Variants in ITGAX observed in about 807,000 individuals in gnomAD.
The protein encoded by ITGAX is integrin subunit alpha X, also known as integrin alpha-X.
In ITGAX, 99 loss-of-function variants were observed where a neutral mutation model predicts 140.2. The observed-to-expected ratio is 0.71, with a 90% CI of 0.60 to 0.83. The LOEUF is 0.83. ITGAX is among the 40% of genes least tolerant of loss of function. The probability of loss-of-function intolerance (pLI) is 0.00; values close to 1 mark genes in which losing one functional copy is unlikely to be tolerated. For missense variants in ITGAX, 1,444 were observed against 1,482.0 expected (o/e 0.97, Z 0.42); for synonymous variants, 631 against 600.4 (o/e 1.05, Z -0.75).
At chr16:31,362,504 G>T (rs1351402428) in intron 11 of ITGAX, 107 bp from the exon 12 acceptor site, 2 of 1,391,534 alleles carry the variant, frequency 1.4e-6, no homozygotes, top group Non-Finnish European at 9.6e-7. Flanking sequence ...CCAGGGTGGG[G>T]TCCAGGGTTC....
At chr16:31,376,511 A>C (rs2081020436) in intron 20 of ITGAX, among the ~76,000 whole-genome samples, 2 of 152,142 alleles carry the variant, frequency 1.3e-5, no homozygotes, top group South Asian at 4.1e-4. Context: ...CTGTAGTCCT[A>C]GCTACTCAGG....
Position 31,363,389 on chromosome 16 carries a change from C to A in ITGAX, c.1710+15C>A. 1 of 1,613,482 alleles carries A rather than the reference C, an allele frequency of 6.2e-7. No homozygotes were observed. The highest frequency in any genetic ancestry group is 8.5e-7 in the Non-Finnish European group (1 of 1,179,506). On this transcript the variant is annotated intron_variant, in intron 14 of 29. Transcript: ENST00000268296. ...CCCACAGCCAGGTGAGGCCGTGTCC[C>A]ATTTCTGTCACTAGAGCAGCCTGCT...
At chr16:31,373,645 C>A (rs1166437413) in intron 20 of ITGAX, among the ~76,000 whole-genome samples, 6 of 152,220 alleles carry the variant, frequency 3.9e-5, no homozygotes, top group Non-Finnish European at 1.5e-5. Flanking sequence ...CAGTATTCCT[C>A]TTTTAAATGA....
At chr16:31,359,646 G>T in intron 5 of ITGAX, 54 bp from the exon 6 acceptor site, 3 of 1,591,158 alleles carry the variant, frequency 1.9e-6, no homozygotes, top group Non-Finnish European at 2.6e-6. Flanking sequence ...AGGAGGCCAC[G>T]GTCCTGGACT....
chr16:31,373,517 G>A, intron 20 of ITGAX, 127 bp downstream of exon 20: 1 of 948,010 alleles, frequency 1.1e-6, no homozygotes, highest in Non-Finnish European at 1.5e-6. Context: ...TCGTGTGGGT[G>A]TTCAACTTTG....
intron 8 of ITGAX, 92 bp downstream of exon 8, chr16:31,360,555 T>C: frequency 1.6e-6 from 2 of 1,214,664 alleles, no homozygotes; most frequent in Non-Finnish European, 2.3e-6. Context: ...TGAGACAGGG[T>C]CTTGCTCTAT....
Position 31,381,813 on chromosome 16 carries a change from T to G in ITGAX, c.3398T>G (p.Phe1133Cys), listed in dbSNP as rs1295208555. 4 of 872,860 alleles carry G rather than the reference T, an allele frequency of 4.6e-6. No individual in the cohort carries two copies. In the Admixed American group the frequency reaches 6.8e-5, roughly 15 times the overall value. The allele number at this position is 872,860 out of a possible 1,614,324, so 54.1% of individuals were successfully genotyped here. A position where few individuals can be genotyped will look rare whatever the true frequency, so the allele number is the denominator to read the frequency against. Residue 1133 changes from phenylalanine to cysteine, a missense_variant, in exon 30 of 30, where the codon TTC (phenylalanine) becomes TGC (cysteine). Transcript: ENST00000268296. ...CGTCCTCCCCCCTAGGTTGGCTTCT[T>G]CAAGCGTCAGTACAAGGAAATGATG... ...ITAVLYKVGF[F>C]KRQYKEMMEE... is the part of the protein sequence containing the mutation.
chr16:31,368,720 A>G (rs2080918942), intron 14 of ITGAX, among the ~76,000 whole-genome samples: 1 of 151,904 alleles, frequency 6.6e-6, no homozygotes, highest in African/African-American at 2.4e-5. Context: ...AAGTGAACAA[A>G]GGTCTCTGGT....
intron 14 of ITGAX, 120 bp from the exon 15 acceptor site, chr16:31,370,964 G>C: frequency 7.8e-7 from 1 of 1,285,842 alleles, no homozygotes; most frequent in South Asian, 1.3e-5. Context: ...GGTGACATCT[G>C]TTCACAACTC....
intron 14 of ITGAX, among the ~76,000 whole-genome samples, chr16:31,367,139 G>A (rs1166563917): frequency 6.6e-6 from 1 of 152,216 alleles, no homozygotes; most frequent in Non-Finnish European, 1.5e-5. Context: ...GAGACGTGAG[G>A]AAGCTTCAGA....
intron 7 of ITGAX, 117 bp from the exon 8 acceptor site, chr16:31,360,193 G>A (rs1158895295): frequency 2.0e-6 from 3 of 1,509,700 alleles, no homozygotes; most frequent in South Asian, 1.3e-5. Flanking sequence ...CCAAGCTGGG[G>A]CCTCTGGGTG....
chr16:31,364,426 CAAAAAAAAAAAA>C (rs56776715), intron 14 of ITGAX, among the ~76,000 whole-genome samples: 1 of 42,456 alleles, frequency 2.4e-5, no homozygotes, highest in Admixed American at 2.6e-4. Flanking sequence ...AATCCCGTGT[CAAAAAAAAAAAA>C]AAAAAAAAAA....
chr16:31,381,111 T>C, intron 29 of ITGAX, 104 bp downstream of exon 29: 2 of 837,490 alleles, frequency 2.4e-6, no homozygotes, highest in Non-Finnish European at 3.9e-6. Flanking sequence ...TCTTACTGGG[T>C]CACTTCATAT....
intron 1 of ITGAX, 30 bp downstream of exon 1, chr16:31,355,321 G>C: frequency 6.2e-7 from 1 of 1,612,926 alleles, no homozygotes; most frequent in Non-Finnish European, 8.5e-7. Flanking sequence ...AAGTAGGGCT[G>C]GGGACCCAGG....
Position 31,360,066 on chromosome 16 carries a change from G to A in ITGAX, c.707+1G>A, listed in dbSNP as rs767775627. 6.2e-6 allele frequency: 10 copies of A among 1,609,306 alleles called. No homozygotes were observed. Among genetic ancestry groups the A allele is most frequent in the Non-Finnish European group, 8.5e-6 (10 of 1,179,994 alleles). On this transcript the variant is annotated splice_donor_variant, in intron 7 of 29. Transcript: ENST00000268296. LOFTEE classifies it high-confidence loss of function. ...CGGCCACCGCCATCCAAAATGTCGT[G>A]TGAGTCCTGATTTCTTCCAGGCACA...
At chr16:31,361,705 G>T in intron 9 of ITGAX, 131 bp from the exon 10 acceptor site, 1 of 1,024,820 alleles carries the variant, frequency 9.8e-7, no homozygotes, top group Non-Finnish European at 1.5e-6. Flanking sequence ...GGAGGGCAGA[G>T]CCTGGTCCCT....
At position 31,372,628 on chromosome 16, in the gene ITGAX, A is replaced by G. The variant is rs561228143; in HGVS notation, c.2324A>G (p.His775Arg). Residue 775 changes from histidine (H) to arginine (R), a missense_variant, in exon 19 of 30, where the codon CAT (histidine) becomes CGT (arginine). Coordinates refer to ENST00000268296, the MANE Select transcript of ITGAX (RefSeq NM_000887.5). The part of the protein sequence containing the change: ...LPFEKNCGAD[H>R]ICQDNLGISF... ...TTTGAGAAGAACTGTGGAGCCGACC[A>G]TATCTGCCAGGACAATCTCGGCATC... 9 of 1,613,918 alleles carry G rather than the reference A, an allele frequency of 5.6e-6. No individual in the cohort carries two copies. The Admixed American group carries it at 6.7e-5, about 12-fold the overall frequency.
rs1404571810 is a variant in ITGAX, at chr16:31,363,184, A to G, written c.1520A>G (p.Asp507Gly). The change falls in exon 14 of 30, where the codon GAT (aspartate) becomes GGT (glycine). Residue 507 changes from aspartate to glycine, a missense_variant. Coordinates refer to ENST00000268296, the MANE Select transcript of ITGAX (RefSeq NM_000887.5). ...CTGCAGTGGAGAAGGTGGTGGTGTG[A>G]TGCTGTTCTCTACGGGGAGCAGGGC... ...LPRGWRRWWC[D>G]AVLYGEQGHP... is the part of the protein sequence containing the mutation. The G allele has an allele frequency of 6.2e-7, 1 of 1,611,186 alleles. No homozygotes were observed. The highest frequency in any genetic ancestry group is 1.7e-4 in the Middle Eastern group (1 of 6,052).
chr16:31,360,633 C>T (rs1201821170), intron 8 of ITGAX, 170 bp downstream of exon 8: 3 of 613,974 alleles, frequency 4.9e-6, no homozygotes, highest in South Asian at 2.1e-5. Flanking sequence ...GATCCTCCCA[C>T]CCCAGCCTCC....
Sources: gnomAD v4.1 joint callset for allele counts (sites outside exome capture counted in the v4.1 genomes callset) on GRCh38, gnomAD v4.1.1 for gene constraint, MANE v1.5 for transcripts, NCBI Gene and HGNC (gene_info 2026-07-23, HGNC 2026-07-21) for gene names.